The following MYO3B variants were observed in gnomAD, a reference collection of about 807,000 sequenced individuals.
The protein encoded by MYO3B is myosin-IIIb.
Under a neutral mutation model 174.6 loss-of-function variants are expected in MYO3B, and 156 were observed. The observed-to-expected ratio is 0.89, with a 90% confidence interval of 0.78 to 1.02. The LOEUF is 1.02. MYO3B is among the 50% of genes least tolerant of loss of function. The pLI, the probability that MYO3B is intolerant of heterozygous loss-of-function variation, is 0.00. For synonymous variants in MYO3B, 563 were observed against 569.1 expected (o/e 0.99, Z 0.15); for missense variants, 1,632 against 1,639.4 (o/e 1.00, Z 0.08).
chr2:170,407,926 G>T, intron 22 of MYO3B, 82 bp downstream of exon 22: 2 of 1,534,384 alleles, frequency 1.3e-6, no homozygotes, highest in African/African-American at 2.7e-5. Context: ...TCTGAATACT[G>T]CCAGGGCTGC....
At chr2:170,377,364 C>A (rs1214788156) in intron 9 of MYO3B, among the ~76,000 whole-genome samples, 1 of 152,204 alleles carries the variant, frequency 6.6e-6, no homozygotes, top group African/African-American at 2.4e-5. Flanking sequence ...TGAACAAAGA[C>A]CCCCATCCTC....
chr2:170,501,558 C>T (rs1023688460), intron 27 of MYO3B, among the ~76,000 whole-genome samples: 1 of 152,162 alleles, frequency 6.6e-6, no homozygotes, highest in Non-Finnish European at 1.5e-5. Flanking sequence ...CTGGAAATCA[C>T]TGCCTGAACA....
chr2:170,184,606 G>T (rs1183860875), intron 1 of MYO3B, among the ~76,000 whole-genome samples: 1 of 152,110 alleles, frequency 6.6e-6, no homozygotes. Flanking sequence ...CACTTAGGTT[G>T]CTTGCAAATC....
chr2:170,485,696 T>C (rs996953718), intron 25 of MYO3B, among the ~76,000 whole-genome samples: 1 of 152,306 alleles, frequency 6.6e-6, no homozygotes, highest in African/African-American at 2.4e-5. Context: ...ATATTAAACA[T>C]GTGTGAGGAT....
At chr2:170,494,758 A>G (rs551411803) in intron 25 of MYO3B, among the ~76,000 whole-genome samples, 13 of 151,458 alleles carry the variant, frequency 8.6e-5, no homozygotes, top group Admixed American at 6.6e-5. Flanking sequence ...AGAAGAAGAA[A>G]AAAAAGAAAA....
At chr2:170,558,183 C>T (rs932779940) in intron 32 of MYO3B, among the ~76,000 whole-genome samples, 1 of 151,878 alleles carries the variant, frequency 6.6e-6, no homozygotes, top group African/African-American at 2.4e-5. Context: ...CGCCTGTGGT[C>T]CCAGCTACTC....
At chr2:170,240,608 A>G (rs916513976) in intron 7 of MYO3B, among the ~76,000 whole-genome samples, 4 of 152,228 alleles carry the variant, frequency 2.6e-5, no homozygotes, top group Non-Finnish European at 5.9e-5. Context: ...GATGAATTAC[A>G]TATGTTGAGC....
rs1302923775 is a variant in MYO3B at position 170,387,305 on chromosome 2, CA to C, written c.1575del (p.Ala526ArgfsTer36). On this transcript the variant is annotated frameshift_variant and splice_region_variant, in exon 14 of 35. Coordinates refer to ENST00000408978, the MANE Select transcript of MYO3B (RefSeq NM_138995.5). LOFTEE classifies it high-confidence loss of function. ...LLEKSRVIKQ[A>X]AREKNFHIFY... ...GAAAAATCCAGAGTTATAAAACAGGCAGCGTAGGTGCACTACTTTATCACTG... is the reference window on the plus strand; with the variant it reads ...GAAAAATCCAGAGTTATAAAACAGGCGCGTAGGTGCACTACTTTATCACTG... The C allele has an allele frequency of 1.2e-6, 2 of 1,613,850 alleles. No individual in the cohort carries two copies. The highest frequency in any genetic ancestry group is 2.7e-5 in the African/African-American group (2 of 74,928).
intron 8 of MYO3B, among the ~76,000 whole-genome samples, chr2:170,337,687 C>T (rs1476714904): frequency 6.6e-6 from 1 of 152,170 alleles, no homozygotes; most frequent in East Asian, 1.9e-4. Context: ...ACCTTAACTA[C>T]TGATAGCTTA....
intron 1 of MYO3B, among the ~76,000 whole-genome samples, chr2:170,186,850 A>T (rs1042733646): frequency 2.6e-5 from 4 of 152,046 alleles, no homozygotes; most frequent in African/African-American, 9.7e-5. Flanking sequence ...CAATCTTGGT[A>T]GGTTGTATAT....
intron 32 of MYO3B, among the ~76,000 whole-genome samples, chr2:170,554,586 C>T (rs750285790): frequency 1.8e-4 from 28 of 152,192 alleles, no homozygotes; most frequent in African/African-American, 5.8e-4. Context: ...CTCATTCCTG[C>T]GACTCATTAA....
intron 32 of MYO3B, among the ~76,000 whole-genome samples, chr2:170,650,495 G>A (rs972330734): frequency 6.6e-6 from 1 of 151,880 alleles, no homozygotes; most frequent in East Asian, 1.9e-4. Flanking sequence ...TGTCCTCCAG[G>A]ATAGTGATAG....
chr2:170,382,097 A>G lies in MYO3B; in HGVS notation c.1053A>G (p.Leu351=), dbSNP rs1222951083. The stretch of plus-strand genomic sequence containing the variant: ...GCCTTGAGGATGATTTGGTCAACCT[A>G]GAGGTTCTGGATGAGGTACTAAATA... ...KYCLEDDLVN[L]EVLDEDTIIH... is the part of the protein sequence containing the mutation. The change falls in exon 10 of 35, where the codon CTA becomes CTG. Residue 351 remains leucine (L), a synonymous_variant. Coordinates refer to ENST00000408978, the MANE Select transcript of MYO3B (RefSeq NM_138995.5). The G allele has an allele frequency of 1.2e-6, 2 of 1,613,100 alleles. No individual in the cohort carries two copies. The highest frequency in any genetic ancestry group is 1.7e-6 in the Non-Finnish European group (2 of 1,179,280).
In MYO3B at chr2:170,318,302, G is replaced by T. The variant is rs547406872; in HGVS notation, c.750-17083G>T. Among the ~76,000 whole-genome samples the T allele has an allele frequency of 3.7e-4, 57 of 152,234 alleles. 1 individual carries two copies. Among genetic ancestry groups the T allele is most frequent in the African/African-American group, 1.3e-3 (56 of 41,550 alleles). ...AAATCTGGTCTGTTTACTTCACCAGGGTTTGTCTTAATACCATGTTAATGG... is the reference window on the plus strand; with the variant it reads ...AAATCTGGTCTGTTTACTTCACCAGTGTTTGTCTTAATACCATGTTAATGG... On this transcript the variant is annotated intron_variant, in intron 7 of 34. Coordinates refer to ENST00000408978, the MANE Select transcript of MYO3B (RefSeq NM_138995.5).
chr2:170,467,407 A>G (rs1684710274), intron 25 of MYO3B, among the ~76,000 whole-genome samples: 1 of 152,186 alleles, frequency 6.6e-6, no homozygotes, highest in Non-Finnish European at 1.5e-5. Context: ...GCACTTTCTT[A>G]ACCCAGAAAG....
At chr2:170,252,055 T>C (rs534662667) in intron 7 of MYO3B, among the ~76,000 whole-genome samples, 2 of 152,354 alleles carry the variant, frequency 1.3e-5, no homozygotes, top group East Asian at 3.9e-4. Context: ...TGATCTGCCT[T>C]GATCTGGCAT....
intron 29 of MYO3B, among the ~76,000 whole-genome samples, chr2:170,515,365 A>G (rs1050410623): frequency 2.0e-5 from 3 of 152,200 alleles, no homozygotes; most frequent in Non-Finnish European, 2.9e-5. Context: ...TGTTTGTATC[A>G]GATTTACCTT....
At chr2:170,397,747 AAG>A (rs2094449552) in intron 16 of MYO3B, among the ~76,000 whole-genome samples, 1 of 152,054 alleles carries the variant, frequency 6.6e-6, no homozygotes, top group Non-Finnish European at 1.5e-5. Flanking sequence ...CCCACAAGCT[AAG>A]GGCTCAGTCC....
intron 8 of MYO3B, chr2:170,340,955 T>C (rs1171300465): frequency 6.6e-6 from 1 of 152,190 alleles, no homozygotes; most frequent in African/African-American, 2.4e-5. Flanking sequence ...GGAGTGAGCA[T>C]TGTGGCTGAG....
Sources: allele counts gnomAD v4.1 joint callset (sites outside exome capture counted in the v4.1 genomes callset), GRCh38; gene constraint gnomAD v4.1.1; transcripts MANE v1.5; gene names NCBI Gene and HGNC (gene_info 2026-07-23, HGNC 2026-07-21).